The following NETO1 variants were observed in gnomAD, a reference collection of about 807,000 sequenced individuals.
NETO1 encodes the protein neuropilin and tolloid like 1.
Under a neutral mutation model 61.3 loss-of-function variants are expected in NETO1, and 26 were observed. The ratio of observed to expected loss-of-function variants is 0.42; its 90% confidence interval spans 0.31 to 0.59. NETO1 has a LOEUF of 0.59. Ranked by LOEUF, NETO1 falls within the 20% of genes least tolerant of loss-of-function variation. The probability of loss-of-function intolerance (pLI) is 0.12; values close to 1 mark genes in which losing one functional copy is unlikely to be tolerated. For synonymous variants in NETO1, 225 were observed against 225.8 expected, an observed-to-expected ratio of 1.00 and a Z score of 0.03; for missense variants, 531 against 662.8, an observed-to-expected ratio of 0.80 and a Z score of 2.18.
chr18:72,748,882 A>T, intron 10 of NETO1, 132 bp downstream of exon 10: 2 of 688,248 alleles, frequency 2.9e-6, no homozygotes, highest in African/African-American at 1.8e-5. Context: ...CGTATTTCTA[A>T]TTGTGAAATG....
chr18:72,742,958 G>A (rs1361829024), downstream of NETO1, among the ~76,000 whole-genome samples: 1 of 152,034 alleles, frequency 6.6e-6, no homozygotes, highest in African/African-American at 2.4e-5. Flanking sequence ...AATATTCCTG[G>A]ACATCTAACA....
At chr18:72,828,514 A>G (rs1451471693) in intron 4 of NETO1, among the ~76,000 whole-genome samples, 1 of 152,234 alleles carries the variant, frequency 6.6e-6, no homozygotes, top group African/African-American at 2.4e-5. Context: ...AAAGATATTC[A>G]AAGTGAAATT....
At chr18:72,791,335 G>A (rs1188757749) in intron 6 of NETO1, among the ~76,000 whole-genome samples, 1 of 152,106 alleles carries the variant, frequency 6.6e-6, no homozygotes, top group African/African-American at 2.4e-5. Context: ...TATTCACCAC[G>A]AGCCATTTCA....
chr18:72,775,606 G>T (rs1044598995), intron 7 of NETO1, among the ~76,000 whole-genome samples: 2 of 152,154 alleles, frequency 1.3e-5, no homozygotes, highest in African/African-American at 4.8e-5. Flanking sequence ...AATTCAGTCT[G>T]TAATCACTCA....
intron 7 of NETO1, among the ~76,000 whole-genome samples, chr18:72,774,833 C>T (rs41418949): frequency 0.047 from 7,183 of 152,164 alleles, 264 homozygotes; most frequent in African/African-American, 0.1. Context: ...TCTTCTCCAC[C>T]GGGTAAATTG....
rs375973052 is a variant in NETO1 at position 72,794,219 on chromosome 18, G to A, written c.537C>T (p.Ser179=). Residue 179 remains serine, a synonymous_variant, in exon 6 of 11, where the codon TCC becomes TCT. Transcript: ENST00000327305. ...TTTGTATAGACTCCACAATTCCTTC[G>A]GAACCGCCCATCTCAAACTCACACG... ...LPACEFEMGG[S]EGIVESIQIM... The A allele has an allele frequency of 2.1e-5, 34 of 1,613,878 alleles. No homozygotes were observed. The highest frequency in any genetic ancestry group is 8.8e-5 in the South Asian group (8 of 91,080).
chr18:72,773,104 A>G (rs545259649), intron 7 of NETO1, among the ~76,000 whole-genome samples: 1 of 151,870 alleles, frequency 6.6e-6, no homozygotes, highest in East Asian at 1.9e-4. Context: ...GCTTTCTGCT[A>G]TTACAAAACA....
intron 4 of NETO1, among the ~76,000 whole-genome samples, chr18:72,842,282 A>C (rs1349134919): frequency 2.6e-5 from 4 of 152,186 alleles, no homozygotes; most frequent in African/African-American, 9.7e-5. Flanking sequence ...TCCTGTTGTA[A>C]ATATTATATA....
At chr18:72,742,604 A>G (rs1156548147), downstream of NETO1, 1 of 152,170 alleles carries the variant, frequency 6.6e-6, no homozygotes. Context: ...ATAAGTATCA[A>G]CTTCTTTCAG....
rs140906186 is a variant in NETO1 at position 72,763,253 on chromosome 18, T to C, written c.869-7106A>G. Among the ~76,000 whole-genome samples, 461 of 152,250 alleles carry C rather than the reference T, an allele frequency of 3.0e-3. 1 individual carries two copies. Among genetic ancestry groups the C allele is most frequent in the Middle Eastern group, 0.01 (3 of 294 alleles). On this transcript the variant is annotated intron_variant, in intron 7 of 10. Coordinates refer to ENST00000327305, the MANE Select transcript of NETO1 (RefSeq NM_138966.5). Reference sequence around the variant, plus strand: ...TCAACTATCCATGATTTATGGTTAATAAAACTATCATTGGTAATTTGTTCA... The same window carrying C: ...TCAACTATCCATGATTTATGGTTAACAAAACTATCATTGGTAATTTGTTCA...
chr18:72,766,497 C>G (rs964574602), intron 7 of NETO1, among the ~76,000 whole-genome samples: 4 of 151,868 alleles, frequency 2.6e-5, no homozygotes, highest in Admixed American at 2.0e-4. Flanking sequence ...ATTTGTGTAT[C>G]TTTTTTTCAT....
intron 10 of NETO1, 87 bp downstream of exon 10, chr18:72,748,927 A>T: frequency 1.2e-6 from 1 of 822,258 alleles, no homozygotes; most frequent in South Asian, 1.4e-5. Flanking sequence ...TAATGGATAA[A>T]TAGCACATTC....
At chr18:72,845,956 C>T (rs1279879098) in intron 4 of NETO1, among the ~76,000 whole-genome samples, 1 of 152,040 alleles carries the variant, frequency 6.6e-6, no homozygotes, top group African/African-American at 2.4e-5. Context: ...GCACAATGAA[C>T]ATAAATGTCA....
chr18:72,846,504 C>CAAAA (rs35252443), intron 4 of NETO1, among the ~76,000 whole-genome samples: 285 of 13,016 alleles, frequency 0.022, 63 homozygotes, highest in African/African-American at 0.032. Flanking sequence ...GACTTCATCT[C>CAAAA]AAAAAAAAAA....
chr18:72,766,995 C>A (rs1020676055), intron 7 of NETO1, among the ~76,000 whole-genome samples: 3 of 152,158 alleles, frequency 2.0e-5, no homozygotes, highest in African/African-American at 7.2e-5. Flanking sequence ...ATGCTGATTA[C>A]TATTAGGCCC....
intron 4 of NETO1, among the ~76,000 whole-genome samples, chr18:72,850,064 A>G (rs1161662420): frequency 6.6e-6 from 1 of 152,226 alleles, no homozygotes; most frequent in East Asian, 1.9e-4. Flanking sequence ...TATTAATACA[A>G]CTTTCCACCT....
intron 4 of NETO1, chr18:72,835,008 T>A: frequency 1.1e-6 from 1 of 950,434 alleles, no homozygotes; most frequent in East Asian, 1.1e-4. Context: ...ATTAAAAGAT[T>A]ATAATACAAG....
At chr18:72,856,285 G>A (rs369391204) in intron 4 of NETO1, among the ~76,000 whole-genome samples, 6 of 152,150 alleles carry the variant, frequency 3.9e-5, no homozygotes, top group Non-Finnish European at 5.9e-5. Flanking sequence ...ACTCCTACTC[G>A]GAAGTCTGGG....
intron 1 of NETO1, chr18:72,866,869 G>A: frequency 2.1e-5 from 18 of 863,196 alleles, no homozygotes; most frequent in East Asian, 7.8e-5. Flanking sequence ...GGGGCCCGCC[G>A]AGCTCCGGGA....
Sources: allele counts gnomAD v4.1 joint callset (sites outside exome capture counted in the v4.1 genomes callset), GRCh38; gene constraint gnomAD v4.1.1; transcripts MANE v1.5; gene names NCBI Gene and HGNC (gene_info 2026-07-23, HGNC 2026-07-21).